PDE3A: variants seen among roughly 807,000 people sequenced by gnomAD.
PDE3A encodes cGMP-inhibited 3',5'-cyclic phosphodiesterase 3A.
A neutral mutation model predicts 98.3 loss-of-function variants in PDE3A; 43 were observed. That is an observed-to-expected ratio of 0.44 (90% CI 0.34 to 0.56). The LOEUF (loss-of-function observed/expected upper bound fraction) is 0.56, where lower values mean the gene tolerates loss of function less well. Among genes scored for constraint, PDE3A ranks in the 20% least tolerant of loss-of-function variants. The probability of loss-of-function intolerance (pLI) is 0.01; values close to 1 mark genes in which losing one functional copy is unlikely to be tolerated. For synonymous variants in PDE3A, 663 were observed against 567.9 expected, an observed-to-expected ratio of 1.17 and a Z score of -2.38; for missense variants, 1,427 against 1,440.7, an observed-to-expected ratio of 0.99 and a Z score of 0.15.
intron 1 of PDE3A, among the ~76,000 whole-genome samples, chr12:20,458,669 C>G (rs960996266): frequency 5.3e-5 from 8 of 152,028 alleles, no homozygotes; most frequent in Non-Finnish European, 1.2e-4. Flanking sequence ...AAAGAAAGCC[C>G]CCCAGAGAAA....
chr12:20,517,774 T>A (rs896894054), intron 1 of PDE3A, among the ~76,000 whole-genome samples: 2 of 152,204 alleles, frequency 1.3e-5, no homozygotes, highest in African/African-American at 4.8e-5. Context: ...CATTTTCTCT[T>A]ATCCCTGCCA....
chr12:20,504,696 T>C (rs1282833582), intron 1 of PDE3A, among the ~76,000 whole-genome samples: 2 of 151,994 alleles, frequency 1.3e-5, no homozygotes, highest in East Asian at 3.9e-4. Flanking sequence ...TTCTCCAGTT[T>C]CAAAGCTGGC....
chr12:20,634,829 A>C, intron 7 of PDE3A, 73 bp from the exon 8 acceptor site: 1 of 1,044,354 alleles, frequency 9.6e-7, no homozygotes, highest in East Asian at 2.4e-5. Context: ...TATGCATCTT[A>C]GCAAAATTTG....
At chr12:20,609,896 C>T (rs969433494) in intron 2 of PDE3A, among the ~76,000 whole-genome samples, 7 of 151,520 alleles carry the variant, frequency 4.6e-5, no homozygotes, top group Non-Finnish European at 1.0e-4. Context: ...CAAAAATCAA[C>T]TCAAAATACG....
chr12:20,467,201 C>T (rs1945353412), intron 1 of PDE3A, among the ~76,000 whole-genome samples: 1 of 151,806 alleles, frequency 6.6e-6, no homozygotes, highest in Non-Finnish European at 1.5e-5. Context: ...TTAAAATTTT[C>T]TGATTTGAGG....
At chr12:20,624,604 G>A (rs916431249) in intron 5 of PDE3A, among the ~76,000 whole-genome samples, 1 of 152,092 alleles carries the variant, frequency 6.6e-6, no homozygotes, top group African/African-American at 2.4e-5. Flanking sequence ...ATTTTGGAGT[G>A]GATTTTGCAT....
chr12:20,603,941 C>T (rs980695054), intron 2 of PDE3A, among the ~76,000 whole-genome samples: 62 of 152,186 alleles, frequency 4.1e-4, no homozygotes, highest in African/African-American at 1.4e-3. Context: ...GAGGCTGAGG[C>T]AGGCGGATCA....
intron 1 of PDE3A, among the ~76,000 whole-genome samples, chr12:20,554,100 A>AT (rs201554748): frequency 5.1e-4 from 75 of 148,448 alleles, no homozygotes; most frequent in African/African-American, 9.5e-4. Context: ...TTGTTTTTGT[A>AT]TTTTTTTTTT....
At chr12:20,672,176 C>T (rs2120431802) in intron 15 of PDE3A, among the ~76,000 whole-genome samples, 1 of 148,744 alleles carries the variant, frequency 6.7e-6, no homozygotes, top group African/African-American at 2.5e-5. Context: ...AACTACAAAC[C>T]ACTGCTCAAG....
At chr12:20,406,837 A>G (rs1411143733) in intron 1 of PDE3A, among the ~76,000 whole-genome samples, 1 of 152,132 alleles carries the variant, frequency 6.6e-6, no homozygotes. Flanking sequence ...TTCAGGTCTT[A>G]CATTTAAGTC....
chr12:20,455,090 G>A (rs1272001783), intron 1 of PDE3A, among the ~76,000 whole-genome samples: 2 of 152,142 alleles, frequency 1.3e-5, no homozygotes, highest in African/African-American at 2.4e-5. Flanking sequence ...CAGTGTATAA[G>A]CGTTTCTTTT....
At chr12:20,670,425 C>T (rs765428636) in intron 15 of PDE3A, among the ~76,000 whole-genome samples, 4,974 of 151,944 alleles carry the variant, frequency 0.033, 110 homozygotes, top group Middle Eastern at 0.058. Context: ...ACACCTATTC[C>T]AAAATTGACC....
In PDE3A at chr12:20,654,065, C is replaced by A; in HGVS notation, c.3044C>A (p.Ser1015Tyr). Residue 1015 changes from serine (S) to tyrosine (Y), a missense_variant, in exon 15 of 16, where the codon TCC (serine) becomes TAC (tyrosine). Physicochemically the swap from Ser to Tyr is moderately radical, Grantham distance 144. Around this residue, in one of 3 missense-constraint regions of PDE3A, gnomAD observed 273 missense variants for 420.3 expected, o/e 0.65. Transcript: ENST00000359062. ...CACATTGTGGGGCCTCTGTGCAACTCCTATGATTCAGCAGGACTAATGCCT... is the reference window on the plus strand; with the variant it reads ...CACATTGTGGGGCCTCTGTGCAACTACTATGATTCAGCAGGACTAATGCCT... The part of the protein sequence containing the change: ...ISHIVGPLCN[S>Y]YDSAGLMPGK... 1 of 1,614,060 alleles carries A rather than the reference C, an allele frequency of 6.2e-7. No individual in the cohort carries two copies. Among genetic ancestry groups the A allele is most frequent in the Non-Finnish European group, 8.5e-7 (1 of 1,180,010 alleles).
intron 1 of PDE3A, among the ~76,000 whole-genome samples, chr12:20,546,713 T>A (rs1438084253): frequency 6.6e-6 from 1 of 152,032 alleles, no homozygotes; most frequent in Non-Finnish European, 1.5e-5. Flanking sequence ...TTGTGACTCT[T>A]GAAAAACAAA....
chr12:20,423,538 C>T (rs956591487), intron 1 of PDE3A, among the ~76,000 whole-genome samples: 2 of 152,126 alleles, frequency 1.3e-5, no homozygotes, highest in African/African-American at 4.8e-5. Flanking sequence ...TGCATCTGGA[C>T]AAACAAAGGT....
chr12:20,429,859 A>ATT (rs112563278), intron 1 of PDE3A, among the ~76,000 whole-genome samples: 1 of 149,708 alleles, frequency 6.7e-6, no homozygotes, highest in Non-Finnish European at 1.5e-5. Context: ...TTAGACACTG[A>ATT]TTTTTTTTTT....
chr12:20,484,861 T>A (rs1945698310), intron 1 of PDE3A, among the ~76,000 whole-genome samples: 2 of 152,140 alleles, frequency 1.3e-5, no homozygotes, highest in Admixed American at 6.5e-5. Flanking sequence ...TCTTCAAAGA[T>A]TTATTTATTT....
chr12:20,682,301 C>T lies in PDE3A; in HGVS notation c.*2030C>T, dbSNP rs1477000281. 1 of 152,062 alleles carries T rather than the reference C, an allele frequency of 6.6e-6. No homozygotes were observed. 9.4% of individuals were successfully genotyped at this position (152,062 alleles called of 1,614,324 possible). A position where few individuals can be genotyped will look rare whatever the true frequency, so the allele number is the denominator to read the frequency against. On this transcript the variant is annotated 3_prime_UTR_variant, in exon 16 of 16. Coordinates refer to ENST00000359062, the MANE Select transcript of PDE3A (RefSeq NM_000921.5). ...AAACAATCTTACCTTCTAAGTAAAC[C>T]TTGATTGTGATTTCCAGTTTTTATT...
At chr12:20,475,198 T>C (rs933105559) in intron 1 of PDE3A, among the ~76,000 whole-genome samples, 1 of 151,386 alleles carries the variant, frequency 6.6e-6, no homozygotes, top group Non-Finnish European at 1.5e-5. Flanking sequence ...TGTGTGTGTG[T>C]GTGTGTGTGT....
Sources: gnomAD v4.1 joint callset for allele counts (sites outside exome capture counted in the v4.1 genomes callset) on GRCh38, gnomAD v4.1.1 for gene constraint, gnomAD v4.1.1 regional missense constraint, MANE v1.5 for transcripts, NCBI Gene and HGNC (gene_info 2026-07-23, HGNC 2026-07-21) for gene names.